The following MAP3K11 variants were observed in gnomAD, a reference collection of about 807,000 sequenced individuals.
MAP3K11 encodes the protein SH3 domain-containing proline-rich kinase.
Under a neutral mutation model 84.9 loss-of-function variants are expected in MAP3K11, and 46 were observed. That is an observed-to-expected ratio of 0.54 (90% CI 0.43 to 0.69). The LOEUF (loss-of-function observed/expected upper bound fraction) is 0.69, where lower values mean the gene tolerates loss of function less well. Ranked by LOEUF, MAP3K11 falls within the 30% of genes least tolerant of loss-of-function variation. The pLI is 0.00. For synonymous variants in MAP3K11, 527 were observed against 514.7 expected, an observed-to-expected ratio of 1.02 and a Z score of -0.32; for missense variants, 1,053 against 1,198.3, an observed-to-expected ratio of 0.88 and a Z score of 1.79.
chr11:65,601,376 G>A (rs1405037464), intron 8 of MAP3K11, among the ~76,000 whole-genome samples: 3 of 152,186 alleles, frequency 2.0e-5, no homozygotes, highest in African/African-American at 2.4e-5. Context: ...GCCTCATAGA[G>A]GTGCTACTGG....
At position 65,613,601 on chromosome 11, in the gene MAP3K11, G is replaced by A. The variant is rs147313431; in HGVS notation, c.156C>T (p.Tyr52=). 1.9e-5 allele frequency: 31 copies of A among 1,613,020 alleles called. No individual in the cohort carries two copies. The highest frequency in any genetic ancestry group is 1.6e-4 in the Middle Eastern group (1 of 6,082). Residue 52 remains tyrosine (Y), a synonymous_variant, in exon 1 of 10, where the codon TAC becomes TAT. Coordinates refer to ENST00000309100, the MANE Select transcript of MAP3K11 (RefSeq NM_002419.4). ...ANPVWTALFD[Y]EPSGQDELAL... ...CCAGCTCATCCTGCCCACTGGGCTC[G>A]TAGTCGAACAGGGCTGTCCACACCG...
Sources: gnomAD v4.1 joint callset for allele counts (sites outside exome capture counted in the v4.1 genomes callset) on GRCh38, gnomAD v4.1.1 for gene constraint, MANE v1.5 for transcripts, NCBI Gene and HGNC (gene_info 2026-07-23, HGNC 2026-07-21) for gene names.